PCDH9: variants seen among roughly 807,000 people sequenced by gnomAD.
PCDH9 encodes the protein protocadherin 9, also known as protocadherin-9.
A neutral mutation model predicts 70.6 loss-of-function variants in PCDH9; 24 were observed. That is an observed-to-expected ratio of 0.34 (90% CI 0.25 to 0.48). The LOEUF is 0.48. PCDH9 is among the 20% of genes least tolerant of loss of function. The pLI is 0.99. For synonymous variants in PCDH9, 562 were observed against 558.5 expected, an observed-to-expected ratio of 1.01 and a Z score of -0.09; for missense variants, 1,281 against 1,503.6, an observed-to-expected ratio of 0.85 and a Z score of 2.45.
At chr13:66,430,826 C>G (rs1267832155) in intron 4 of PCDH9, among the ~76,000 whole-genome samples, 1 of 152,040 alleles carries the variant, frequency 6.6e-6, no homozygotes, top group East Asian at 1.9e-4. Context: ...AGTAGAGGCA[C>G]AAAGGGTCTG....
chr13:66,392,703 A>G (rs1232986641), intron 4 of PCDH9, among the ~76,000 whole-genome samples: 1 of 152,132 alleles, frequency 6.6e-6, no homozygotes. Context: ...CATTTCTTAT[A>G]TAGGTAAAAG....
chr13:66,722,459 C>T (rs1057197035), intron 3 of PCDH9, among the ~76,000 whole-genome samples: 13 of 152,076 alleles, frequency 8.5e-5, no homozygotes, highest in Non-Finnish European at 1.8e-4. Context: ...CAGACTTCCC[C>T]GGAAGCCATG....
intron 2 of PCDH9, among the ~76,000 whole-genome samples, chr13:66,987,251 T>C (rs1451174020): frequency 6.6e-6 from 1 of 152,072 alleles, no homozygotes. Flanking sequence ...AAAATAGAGT[T>C]ATTTTAACAA....
intron 3 of PCDH9, among the ~76,000 whole-genome samples, chr13:66,638,919 T>C (rs2077674856): frequency 6.6e-6 from 1 of 152,214 alleles, no homozygotes; most frequent in Admixed American, 6.5e-5. Context: ...CTTTCCTCTT[T>C]GAATTTTTAC....
rs551143120 is a variant in PCDH9 at position 67,208,003 on chromosome 13, T to C, written c.3036+17402A>G. ...GTTTATTAATCTACAAGCATCCAAT[T>C]CCAAATCAGATTCCAGTAACACCAT... On this transcript the variant is annotated intron_variant, in intron 2 of 4. Transcript: ENST00000377865. 3.3e-5 allele frequency: 5 copies of C among 152,250 alleles called. No individual in the cohort carries two copies. In the East Asian group the frequency reaches 9.7e-4, roughly 29 times the overall value. 9.4% of individuals were successfully genotyped at this position (152,250 alleles called of 1,614,324 possible). A position where few individuals can be genotyped will look rare whatever the true frequency, so the allele number is the denominator to read the frequency against.
chr13:66,937,417 T>A (rs909593886), intron 2 of PCDH9, among the ~76,000 whole-genome samples: 2 of 152,246 alleles, frequency 1.3e-5, no homozygotes, highest in Non-Finnish European at 2.9e-5. Flanking sequence ...ATCTGCATCA[T>A]ATGTATCACT....
At chr13:66,974,700 A>C (rs1042931862) in intron 2 of PCDH9, among the ~76,000 whole-genome samples, 1 of 152,150 alleles carries the variant, frequency 6.6e-6, no homozygotes, top group Non-Finnish European at 1.5e-5. Flanking sequence ...TCTAGTTTCA[A>C]ACAATTGAGC....
chr13:66,426,362 A>G (rs939598499), intron 4 of PCDH9, among the ~76,000 whole-genome samples: 2 of 151,688 alleles, frequency 1.3e-5, no homozygotes, highest in African/African-American at 4.8e-5. Flanking sequence ...AATTTAAGCC[A>G]CATCTAGAGA....
intron 3 of PCDH9, among the ~76,000 whole-genome samples, chr13:66,733,134 C>T (rs1008122999): frequency 6.6e-6 from 1 of 152,068 alleles, no homozygotes; most frequent in African/African-American, 2.4e-5. Flanking sequence ...TCAGACCTGG[C>T]TCTGTGGCTT....
intron 2 of PCDH9, among the ~76,000 whole-genome samples, chr13:66,909,717 T>C (rs1490386052): frequency 6.6e-6 from 1 of 152,198 alleles, no homozygotes; most frequent in Non-Finnish European, 1.5e-5. Context: ...TGCAGTGCGC[T>C]GAGCATTTGG....
chr13:66,781,063 A>G (rs2079990458), intron 3 of PCDH9, among the ~76,000 whole-genome samples: 1 of 152,234 alleles, frequency 6.6e-6, no homozygotes, highest in South Asian at 2.1e-4. Flanking sequence ...GAAGTGGCCA[A>G]TAATAAGTTG....
At chr13:66,545,869 T>A (rs1961171741) in intron 4 of PCDH9, among the ~76,000 whole-genome samples, 1 of 151,164 alleles carries the variant, frequency 6.6e-6, no homozygotes, top group Non-Finnish European at 1.5e-5. Flanking sequence ...AGACGGAGTC[T>A]CACTCTGTTG....
chr13:67,153,067 C>G (rs1230795322), intron 2 of PCDH9, among the ~76,000 whole-genome samples: 4 of 151,998 alleles, frequency 2.6e-5, no homozygotes, highest in African/African-American at 4.8e-5. Context: ...TCGCCTCTCC[C>G]TCTTTCCTGC....
At chr13:66,513,842 T>C (rs1314297065) in intron 4 of PCDH9, among the ~76,000 whole-genome samples, 2 of 152,150 alleles carry the variant, frequency 1.3e-5, no homozygotes, top group Non-Finnish European at 2.9e-5. Context: ...GTAACTTTTT[T>C]TTTTTCTCTT....
At chr13:66,562,203 A>C (rs2076584020) in intron 4 of PCDH9, among the ~76,000 whole-genome samples, 1 of 152,172 alleles carries the variant, frequency 6.6e-6, no homozygotes, top group Non-Finnish European at 1.5e-5. Flanking sequence ...TTAAAAGGAA[A>C]AAAAAAATCA....
At chr13:66,938,601 T>C (rs867505598) in intron 2 of PCDH9, among the ~76,000 whole-genome samples, 3 of 152,184 alleles carry the variant, frequency 2.0e-5, no homozygotes, top group Admixed American at 6.5e-5. Flanking sequence ...AATTCCTATC[T>C]TCATGCAGAA....
chr13:67,173,462 T>C (rs762084482), intron 2 of PCDH9, among the ~76,000 whole-genome samples: 2 of 152,182 alleles, frequency 1.3e-5, no homozygotes, highest in African/African-American at 4.8e-5. Flanking sequence ...ATTCACAATA[T>C]AGAGACTTTG....
intron 3 of PCDH9, among the ~76,000 whole-genome samples, chr13:66,721,993 A>T (rs140385615): frequency 1.4e-3 from 214 of 152,312 alleles, no homozygotes; most frequent in African/African-American, 5.0e-3. Flanking sequence ...TCAAGGGGAC[A>T]TCCTAGTCTG....
chr13:66,320,729 G>T (rs1453745814), intron 4 of PCDH9, among the ~76,000 whole-genome samples: 2 of 151,852 alleles, frequency 1.3e-5, no homozygotes, highest in African/African-American at 4.8e-5. Context: ...TCATAAATAA[G>T]CTATTTTAGG....
Sources: gnomAD v4.1 joint callset for allele counts (sites outside exome capture counted in the v4.1 genomes callset) on GRCh38, gnomAD v4.1.1 for gene constraint, MANE v1.5 for transcripts, NCBI Gene and HGNC (gene_info 2026-07-23, HGNC 2026-07-21) for gene names.